Variants in KRT79 observed in about 807,000 individuals in gnomAD.
The protein encoded by KRT79 is keratin, type II cytoskeletal 79.
In KRT79, 51 loss-of-function variants were observed where a neutral mutation model predicts 49.0. That is an observed-to-expected ratio of 1.04 (90% CI 0.83 to 1.31). KRT79 has a LOEUF of 1.31. KRT79 is among the 40% of genes most tolerant of loss of function. KRT79 has a pLI of 0.00. For missense variants in KRT79, 728 were observed against 688.0 expected (o/e 1.06, Z -0.65); for synonymous variants, 312 against 286.6 (o/e 1.09, Z -0.90).
chr12:52,822,268 G>A, intron 8 of KRT79, 77 bp downstream of exon 8: 1 of 1,469,880 alleles, frequency 6.8e-7, no homozygotes, highest in South Asian at 1.2e-5. Context: ...CTTTAGGACA[G>A]GTACAGGTTG....
chr12:52,821,611 G>GGCGCCGTA lies in KRT79; in HGVS notation c.*260_*261insTACGGCGC. 1 of 519,446 alleles carries GGCGCCGTA rather than the reference G, an allele frequency of 1.9e-6. No individual in the cohort carries two copies. The allele number at this position is 519,446 out of a possible 1,614,324, so 32.2% of individuals were successfully genotyped here. On this transcript the variant is annotated 3_prime_UTR_variant, in exon 9 of 9. Transcript: ENST00000330553. ...TGAGAAATTCAGCCTCCTCTCGGTG[G>GGCGCCGTA]TCAAAAGGTCACCCCCAAGTCACCC...
intron 1 of KRT79, 71 bp from the exon 2 acceptor site, chr12:52,831,697 T>A: frequency 7.9e-7 from 1 of 1,266,354 alleles, no homozygotes; most frequent in Non-Finnish European, 1.1e-6. Flanking sequence ...TGGGGTCCAT[T>A]GCCACCTCCC....
At chr12:52,831,129 A>C (rs1382799924) in intron 2 of KRT79, among the ~76,000 whole-genome samples, 1 of 152,202 alleles carries the variant, frequency 6.6e-6, no homozygotes, top group East Asian at 1.9e-4. Context: ...AAAATGCAAC[A>C]AGATTGGTTA....
At position 52,821,955 on chromosome 12, in the gene KRT79, T is replaced by A; in HGVS notation, c.1525A>T (p.Thr509Ser). The change falls in exon 9 of 9, where the codon ACC becomes TCC. Residue 509 changes from threonine (T) to serine (S), a missense_variant. Coordinates refer to ENST00000330553, the MANE Select transcript of KRT79 (RefSeq NM_175834.3). ...GCAGAGACTGGCCCTCCCTTGACGGTGCTATAGCCCACATTTGTGCTGAAT... is the reference window on the plus strand; with the variant it reads ...GCAGAGACTGGCCCTCCCTTGACGGAGCTATAGCCCACATTTGTGCTGAAT... ...GGFSTNVGYS[T>S]VKGGPVSAGT... 1.9e-6 allele frequency: 3 copies of A among 1,614,124 alleles called. No homozygotes were observed.
Position 52,821,509 on chromosome 12 carries a change from G to A in KRT79, c.*363C>T. ...GGGGATGTGGGTAGATTCAGGGAGA[G>A]GGTGGGTCTGGTGGGGGACTGGGGA... On this transcript the variant is annotated 3_prime_UTR_variant, in exon 9 of 9. Coordinates refer to ENST00000330553, the MANE Select transcript of KRT79 (RefSeq NM_175834.3). The A allele has an allele frequency of 7.5e-6, 2 of 267,490 alleles. No individual in the cohort carries two copies. Among genetic ancestry groups the A allele is most frequent in the Admixed American group, 5.0e-5 (1 of 20,120 alleles). 16.6% of individuals were successfully genotyped at this position (267,490 alleles called of 1,614,324 possible).
rs1266537200 is a variant in KRT79, at chr12:52,834,099, T to G, written c.162A>C (p.Thr54=). Reference sequence around the variant, plus strand: ...AGAGGCTTCGGCTGCCAAAGCCACCTGTGCCGGGGCCACAGTGGGCCCCGC... The same window carrying G: ...AGAGGCTTCGGCTGCCAAAGCCACCGGTGCCGGGGCCACAGTGGGCCCCGC... ...SGGGAHCGPG[T]GGFGSRSLYN... is the part of the protein sequence containing the mutation. The change falls in exon 1 of 9, where the codon ACA becomes ACC. Residue 54 remains threonine (T), a synonymous_variant. Transcript: ENST00000330553. 3 of 1,613,268 alleles carry G rather than the reference T, an allele frequency of 1.9e-6. No homozygotes were observed. The highest frequency in any genetic ancestry group is 2.2e-5 in the South Asian group (2 of 91,078).
In KRT79 at chr12:52,823,991, C is replaced by A. The variant is rs201398116; in HGVS notation, c.1042G>T (p.Ala348Ser). 2.5e-6 allele frequency: 4 copies of A among 1,614,074 alleles called. No homozygotes were observed. Among genetic ancestry groups the A allele is most frequent in the African/African-American group, 1.3e-5 (1 of 74,946 alleles). Residue 348 changes from alanine (A) to serine (S), a missense_variant, in exon 6 of 9, where the codon GCT becomes TCT. By Grantham distance (99) the Ala-to-Ser change is moderately conservative. Transcript: ENST00000330553. ...CGCAGGTTGTCCCCATGCTTCCCAG[C>A]AGTCACCTGCAGCTCCTCATACTGG... is the stretch of plus-strand genomic sequence containing the variant. ...QTKYEELQVT[A>S]GKHGDNLRDT... is the part of the protein sequence containing the mutation.
Position 52,834,038 on chromosome 12 carries a change from C to T in KRT79, c.223G>A (p.Val75Met). ...CGCCCCAACAAGGCCCCTCCGGCCA[C>T]ACTGACAGAGATACTCTTGTGGCCC... ...LGGHKSISVS[V>M]AGGALLGRAL... is the part of the protein sequence containing the mutation. Residue 75 changes from valine to methionine, a missense_variant, in exon 1 of 9, where the codon GTG becomes ATG. By Grantham distance (21) the Val-to-Met change is conservative. Coordinates refer to ENST00000330553, the MANE Select transcript of KRT79 (RefSeq NM_175834.3). The T allele has an allele frequency of 6.2e-7, 1 of 1,613,588 alleles. No individual in the cohort carries two copies. Among genetic ancestry groups the T allele is most frequent in the Non-Finnish European group, 8.5e-7 (1 of 1,179,776 alleles).
At position 52,821,863 on chromosome 12, in the gene KRT79, G is replaced by A. The variant is rs1157934897; in HGVS notation, c.*9C>T. On this transcript the variant is annotated 3_prime_UTR_variant, in exon 9 of 9. Coordinates refer to ENST00000330553, the MANE Select transcript of KRT79 (RefSeq NM_175834.3). Reference sequence around the variant, plus strand: ...ACAGGATTGCAGGGGCCCTTGCAGGGCTCAGCAGCTAATACCTCTGGCTGG... The same window carrying A: ...ACAGGATTGCAGGGGCCCTTGCAGGACTCAGCAGCTAATACCTCTGGCTGG... The A allele has an allele frequency of 6.2e-7, 1 of 1,612,918 alleles. No homozygotes were observed.
In KRT79 at chr12:52,823,956, C is replaced by G. The variant is rs2121277144; in HGVS notation, c.1077G>C (p.Lys359Asn). 6.2e-7 allele frequency: 1 copy of G among 1,614,170 alleles called. No individual in the cohort carries two copies. The highest frequency in any genetic ancestry group is 1.3e-5 in the African/African-American group (1 of 75,050). ...GKHGDNLRDTKNEIAELTRTI... is the reference protein window; with the variant it reads ...GKHGDNLRDTNNEIAELTRTI... ...TGCGGGTGAGCTCAGCAATCTCGTT[C>G]TTGGTGTCCCGCAGGTTGTCCCCAT... The change falls in exon 6 of 9, where the codon AAG becomes AAC. Residue 359 changes from lysine (K) to asparagine (N), a missense_variant. Physicochemically the swap from Lys to Asn is moderately conservative, Grantham distance 94. Coordinates refer to ENST00000330553, the MANE Select transcript of KRT79 (RefSeq NM_175834.3).
intron 4 of KRT79, among the ~76,000 whole-genome samples, chr12:52,826,412 C>A (rs1940176309): frequency 6.6e-6 from 1 of 150,580 alleles, no homozygotes; most frequent in Admixed American, 6.7e-5. Context: ...ACTTGGGAGG[C>A]TGAGGTGGGA....
At chr12:52,832,340 T>C (rs923281337) in intron 1 of KRT79, among the ~76,000 whole-genome samples, 6 of 152,172 alleles carry the variant, frequency 3.9e-5, no homozygotes, top group African/African-American at 1.4e-4. Context: ...GTTGTACTAT[T>C]CTTGCAACTT....
At position 52,834,211 on chromosome 12, in the gene KRT79, C is replaced by T; in HGVS notation, c.50G>A (p.Ser17Asn). The T allele has an allele frequency of 6.2e-7, 1 of 1,613,850 alleles. No individual in the cohort carries two copies. Among genetic ancestry groups the T allele is most frequent in the South Asian group, 1.1e-5 (1 of 91,064 alleles). Residue 17 changes from serine (S) to asparagine (N), a missense_variant, in exon 1 of 9, where the codon AGC becomes AAC. Physicochemically the swap from Ser to Asn is conservative, Grantham distance 46. Coordinates refer to ENST00000330553, the MANE Select transcript of KRT79 (RefSeq NM_175834.3). Reference sequence around the variant, plus strand: ...ACTCCCTCCGCTGGCAGAGTTGGAGCTGAAGCCCCCTTTTGTGGAGTATGT... The same window carrying T: ...ACTCCCTCCGCTGGCAGAGTTGGAGTTGAAGCCCCCTTTTGTGGAGTATGT... ...RQTYSTKGGF[S>N]SNSASGGSGS...
chr12:52,834,107 G>A lies in KRT79; in HGVS notation c.154C>T (p.Pro52Ser). 1.9e-6 allele frequency: 3 copies of A among 1,613,190 alleles called. No homozygotes were observed. The highest frequency in any genetic ancestry group is 2.5e-6 in the Non-Finnish European group (3 of 1,179,846). Residue 52 changes from proline (P) to serine (S), a missense_variant, in exon 1 of 9, where the codon CCC (proline) becomes TCC (serine). Coordinates refer to ENST00000330553, the MANE Select transcript of KRT79 (RefSeq NM_175834.3). ...CGGCTGCCAAAGCCACCTGTGCCGG[G>A]GCCACAGTGGGCCCCGCCACCACTG... ...SGSGGGAHCGPGTGGFGSRSL... is the reference protein window; with the variant it reads ...SGSGGGAHCGSGTGGFGSRSL...
In KRT79 at chr12:52,824,380, G is replaced by C. The variant is rs1429708442; in HGVS notation, c.856-18C>G. The C allele has an allele frequency of 1.9e-6, 3 of 1,611,056 alleles. No homozygotes were observed. The South Asian group carries it at 3.3e-5, about 18-fold the overall frequency. ...CTCAGCTCCTGAAGAATCAGAGACAGCTGCCACCAGCACCCCTGCTCCAGG... is the reference window on the plus strand; with the variant it reads ...CTCAGCTCCTGAAGAATCAGAGACACCTGCCACCAGCACCCCTGCTCCAGG... On this transcript the variant is annotated intron_variant, in intron 4 of 8. Coordinates refer to ENST00000330553, the MANE Select transcript of KRT79 (RefSeq NM_175834.3).
rs772794913 is a variant in KRT79 at position 52,824,052 on chromosome 12, C to T, written c.1021-40G>A. ...AGTGGCAGTGCGCTTTCAAATGGCC[C>T]CAGCCCACCCTCACAGCTGGAGGCC... On this transcript the variant is annotated intron_variant, in intron 5 of 8. Transcript: ENST00000330553. 2.5e-6 allele frequency: 4 copies of T among 1,613,698 alleles called. No individual in the cohort carries two copies. In the South Asian group the frequency reaches 4.4e-5, roughly 18 times the overall value.
chr12:52,826,676 G>A lies in KRT79; in HGVS notation c.856-2314C>T, dbSNP rs193291189. 6.6e-5 allele frequency among the ~76,000 whole-genome samples: 10 copies of A among 152,160 alleles called. No homozygotes were observed. The East Asian group carries it at 9.7e-4, about 15-fold the overall frequency. On this transcript the variant is annotated intron_variant, in intron 4 of 8. Coordinates refer to ENST00000330553, the MANE Select transcript of KRT79 (RefSeq NM_175834.3). ...CTAGGCAAGGGTAAAGGGAGCCAGC[G>A]GGCAGAAGTGGCACAAGCGGAAGAG...
In KRT79 at chr12:52,823,085, A is replaced by T. The variant is rs145565892; in HGVS notation, c.1298T>A (p.Met433Lys). ...CACGTCCAGGGCCAGCTTGACATTC[A>T]TCAGCTCCTGGTAGTCACGCAGCAG... ...TRLLRDYQEL[M>K]NVKLALDVEI... Residue 433 changes from methionine (M) to lysine (K), a missense_variant, in exon 7 of 9, where the codon ATG becomes AAG. By Grantham distance (95) the Met-to-Lys change is moderately conservative. Transcript: ENST00000330553. The T allele has an allele frequency of 6.2e-6, 10 of 1,613,934 alleles. No individual in the cohort carries two copies. In the Admixed American group the frequency reaches 1.2e-4, roughly 19 times the overall value.
At chr12:52,830,418 C>A (rs1411970586) in intron 2 of KRT79, 126 bp from the exon 3 acceptor site, 3 of 727,846 alleles carry the variant, frequency 4.1e-6, no homozygotes, top group South Asian at 1.6e-5. Flanking sequence ...GGGAGCAGTT[C>A]TTTAATGTAG....
Sources: gnomAD v4.1 joint callset for allele counts (sites outside exome capture counted in the v4.1 genomes callset) on GRCh38, gnomAD v4.1.1 for gene constraint, MANE v1.5 for transcripts, NCBI Gene and HGNC (gene_info 2026-07-23, HGNC 2026-07-21) for gene names.